The following GALNTL6 variants were observed in gnomAD, a reference collection of about 807,000 sequenced individuals.
GALNTL6 encodes polypeptide N-acetylgalactosaminyltransferase like 6.
In GALNTL6, 46 loss-of-function variants were observed where a neutral mutation model predicts 73.7. The observed-to-expected ratio is 0.62, with a 90% CI of 0.49 to 0.80. The LOEUF (loss-of-function observed/expected upper bound fraction) is 0.80. Among genes scored for constraint, GALNTL6 ranks in the 30% least tolerant of loss-of-function variants. GALNTL6 has a pLI of 0.00. For synonymous variants in GALNTL6, 259 were observed against 263.7 expected, an observed-to-expected ratio of 0.98 and a Z score of 0.17; for missense variants, 604 against 755.0, an observed-to-expected ratio of 0.80 and a Z score of 2.34.
intron 8 of GALNTL6, among the ~76,000 whole-genome samples, chr4:172,894,982 T>G (rs1009193306): frequency 4.0e-5 from 6 of 151,754 alleles, no homozygotes; most frequent in African/African-American, 9.7e-5. Flanking sequence ...AAAGTCTCTT[T>G]TGTGTGACAT....
At position 172,831,157 on chromosome 4, in the gene GALNTL6, C is replaced by CAAAA. The variant is rs60870698; in HGVS notation, c.923+17464_923+17467dup. Among the ~76,000 whole-genome samples, 544 of 63,880 alleles carry CAAAA rather than the reference C, an allele frequency of 8.5e-3. 47 individuals are homozygous for CAAAA. Among genetic ancestry groups the CAAAA allele is most frequent in the African/African-American group, 0.026 (416 of 16,186 alleles). The allele number at this position is 63,880 out of a possible 152,430, so 41.9% of individuals were successfully genotyped here. On this transcript the variant is annotated intron_variant, in intron 7 of 12. Coordinates refer to ENST00000506823, the MANE Select transcript of GALNTL6 (RefSeq NM_001034845.3). ...TGGGTGACAGAATGAGACTCCCTCT[C>CAAAA]AAAAAAAAAAAAAAAAAAAAAAAAA...
intron 8 of GALNTL6, among the ~76,000 whole-genome samples, chr4:172,892,743 A>G (rs1746106513): frequency 6.6e-6 from 1 of 151,542 alleles, no homozygotes; most frequent in African/African-American, 2.4e-5. Flanking sequence ...TGACTCCCTC[A>G]CCAACTCCAT....
intron 2 of GALNTL6, among the ~76,000 whole-genome samples, chr4:171,945,649 A>C (rs1221847823): frequency 6.6e-6 from 1 of 152,144 alleles, no homozygotes; most frequent in East Asian, 1.9e-4. Context: ...ATTTAAAATA[A>C]TAGCATGACA....
intron 2 of GALNTL6, among the ~76,000 whole-genome samples, chr4:172,078,429 C>A (rs932004709): frequency 1.3e-5 from 2 of 152,112 alleles, no homozygotes; most frequent in African/African-American, 4.8e-5. Flanking sequence ...GTCAATTAAA[C>A]CTTTTTTCAT....
chr4:172,935,778 A>T (rs1279827136), intron 9 of GALNTL6, among the ~76,000 whole-genome samples: 1 of 152,212 alleles, frequency 6.6e-6, no homozygotes, highest in East Asian at 1.9e-4. Flanking sequence ...TCTGAAATTG[A>T]GGCAGTAATT....
chr4:172,801,424 CT>C lies in GALNTL6; in HGVS notation c.554-7931del, dbSNP rs1740634532. On this transcript the variant is annotated intron_variant, in intron 5 of 12. Coordinates refer to ENST00000506823, the MANE Select transcript of GALNTL6 (RefSeq NM_001034845.3). ...TCTCCCCCTACCTCTTACACATTGT[CT>C]TTTTTCTGAAAAAGGTCTTAACTTC... Among the ~76,000 whole-genome samples the C allele has an allele frequency of 2.0e-5, 3 of 152,138 alleles. No individual in the cohort carries two copies. The South Asian group carries it at 6.2e-4, about 32-fold the overall frequency.
intron 7 of GALNTL6, among the ~76,000 whole-genome samples, chr4:172,871,759 TTTTGTTTG>T (rs113501777): frequency 1.1e-4 from 17 of 150,556 alleles, no homozygotes; most frequent in Non-Finnish European, 1.8e-4. Flanking sequence ...TAGCATAGTT[TTTTGTTTG>T]TTTGTTTGTT....
At chr4:172,404,456 G>T (rs1407635631) in intron 5 of GALNTL6, among the ~76,000 whole-genome samples, 1 of 151,966 alleles carries the variant, frequency 6.6e-6, no homozygotes, top group East Asian at 1.9e-4. Flanking sequence ...GTGTGCCCTG[G>T]CTAGAAAATA....
At chr4:172,369,038 C>G (rs941394386) in intron 5 of GALNTL6, among the ~76,000 whole-genome samples, 3 of 152,152 alleles carry the variant, frequency 2.0e-5, no homozygotes, top group African/African-American at 4.8e-5. Flanking sequence ...GGGACCTGAG[C>G]AGGTTGCCAC....
At chr4:171,984,395 C>G (rs1740002549) in intron 2 of GALNTL6, among the ~76,000 whole-genome samples, 1 of 152,082 alleles carries the variant, frequency 6.6e-6, no homozygotes, top group African/African-American at 2.4e-5. Flanking sequence ...AGGAAGTGAG[C>G]AGGTAGGTGG....
chr4:172,939,612 T>C (rs533875609), intron 9 of GALNTL6, among the ~76,000 whole-genome samples: 27 of 152,328 alleles, frequency 1.8e-4, no homozygotes, highest in African/African-American at 6.5e-4. Flanking sequence ...CTACATATCC[T>C]AAGCAAATAG....
At chr4:172,331,023 C>A (rs185519331) in intron 4 of GALNTL6, among the ~76,000 whole-genome samples, 96 of 151,976 alleles carry the variant, frequency 6.3e-4, no homozygotes, top group African/African-American at 2.3e-3. Flanking sequence ...TTTTATATAT[C>A]TTAAATTCAA....
intron 9 of GALNTL6, among the ~76,000 whole-genome samples, chr4:172,946,150 T>TGA (rs1365557440): frequency 6.7e-6 from 1 of 149,320 alleles, no homozygotes. Context: ...TGTGTGTGTG[T>TGA]GAAGAAAGAG....
At chr4:172,373,693 G>A (rs1742911139) in intron 5 of GALNTL6, among the ~76,000 whole-genome samples, 1 of 152,116 alleles carries the variant, frequency 6.6e-6, no homozygotes, top group South Asian at 2.1e-4. Context: ...TATTCATGTA[G>A]ATAATAGCTC....
intron 5 of GALNTL6, among the ~76,000 whole-genome samples, chr4:172,533,168 T>C (rs1316220637): frequency 2.7e-5 from 4 of 145,746 alleles, no homozygotes; most frequent in South Asian, 2.2e-4. Flanking sequence ...CACACCACCA[T>C]GCCTGGCTAA....
intron 2 of GALNTL6, among the ~76,000 whole-genome samples, chr4:171,878,604 A>G (rs1396155304): frequency 6.6e-6 from 1 of 152,174 alleles, no homozygotes; most frequent in Non-Finnish European, 1.5e-5. Flanking sequence ...ATCGCAAGAC[A>G]TCTTTAAAAT....
At chr4:172,001,686 G>A (rs925404934) in intron 2 of GALNTL6, among the ~76,000 whole-genome samples, 4 of 152,044 alleles carry the variant, frequency 2.6e-5, no homozygotes, top group Admixed American at 6.6e-5. Flanking sequence ...CAGTAAGTCC[G>A]CTCTATGCAA....
chr4:172,798,293 A>G (rs1256012769), intron 5 of GALNTL6, among the ~76,000 whole-genome samples: 5 of 152,170 alleles, frequency 3.3e-5, no homozygotes, highest in Admixed American at 6.5e-5. Context: ...TATAATCCCC[A>G]ATGTTGGAGG....
At chr4:172,859,369 G>A (rs1744277097) in intron 7 of GALNTL6, among the ~76,000 whole-genome samples, 1 of 152,048 alleles carries the variant, frequency 6.6e-6, no homozygotes, top group Admixed American at 6.6e-5. Context: ...AGGAGATTAG[G>A]TCATGTCCTG....
Sources: allele counts gnomAD v4.1 joint callset (sites outside exome capture counted in the v4.1 genomes callset), GRCh38; gene constraint gnomAD v4.1.1; transcripts MANE v1.5; gene names NCBI Gene and HGNC (gene_info 2026-07-23, HGNC 2026-07-21).